Variants in PI4KA observed in about 807,000 individuals in gnomAD.
PI4KA encodes the protein phosphatidylinositol 4-kinase alpha.
A neutral mutation model predicts 271.4 loss-of-function variants in PI4KA; 122 were observed. The observed-to-expected ratio is 0.45, with a 90% CI of 0.39 to 0.52. The LOEUF (loss-of-function observed/expected upper bound fraction) is 0.52, where lower values mean the gene tolerates loss of function less well. Ranked by LOEUF, PI4KA falls within the 20% of genes least tolerant of loss-of-function variation. The probability of loss-of-function intolerance (pLI) is 0.00; values close to 1 mark genes in which losing one functional copy is unlikely to be tolerated. For missense variants in PI4KA, 1,969 were observed against 2,769.1 expected, an observed-to-expected ratio of 0.71 and a Z score of 6.48; for synonymous variants, 1,041 against 1,078.8, an observed-to-expected ratio of 0.96 and a Z score of 0.69.
At chr22:20,808,536 G>T (rs1195815955) in intron 9 of PI4KA, among the ~76,000 whole-genome samples, 1 of 147,608 alleles carries the variant, frequency 6.8e-6, no homozygotes, top group African/African-American at 2.5e-5. Flanking sequence ...CTTGCAGTGA[G>T]CCAAGATCAC....
At chr22:20,832,745 G>A (rs941533085) in intron 3 of PI4KA, among the ~76,000 whole-genome samples, 1 of 152,184 alleles carries the variant, frequency 6.6e-6, no homozygotes, top group South Asian at 2.1e-4. Context: ...GTGAGCCACT[G>A]TGCCCGGCCG....
chr22:20,740,265 TAAAA>T (rs559654473), intron 32 of PI4KA, among the ~76,000 whole-genome samples: 1 of 147,642 alleles, frequency 6.8e-6, no homozygotes, highest in Non-Finnish European at 1.5e-5. Context: ...GTATACAGGT[TAAAA>T]AAAAAATTAA....
Position 20,727,819 on chromosome 22 carries a change from A to T in PI4KA, c.4728T>A (p.Val1576=). ...CACTAACGGCTCCCGGGTCCAACCG[A>T]ACGAGACGGGTCACTTCGTTCCCAA... is the stretch of plus-strand genomic sequence containing the variant. The part of the protein sequence containing the change: ...EAIGNEVTRL[V]RLDPGAVSDV... Residue 1576 remains valine, a synonymous_variant, in exon 40 of 55, where the codon GTT becomes GTA. Transcript: ENST00000255882. 1 of 1,614,170 alleles carries T rather than the reference A, an allele frequency of 6.2e-7. No homozygotes were observed. Among genetic ancestry groups the T allele is most frequent in the Non-Finnish European group, 8.5e-7 (1 of 1,180,024 alleles).
intron 1 of PI4KA, among the ~76,000 whole-genome samples, chr22:20,848,891 G>C (rs942278808): frequency 1.3e-5 from 2 of 151,940 alleles, no homozygotes; most frequent in Admixed American, 6.6e-5. Flanking sequence ...CATGAAGAAA[G>C]TGAAAAAGCC....
rs556698200 is a variant in PI4KA at position 20,805,154 on chromosome 22, A to G, written c.1180T>C (p.Ser394Pro). 1.9e-6 allele frequency: 3 copies of G among 1,613,396 alleles called. No individual in the cohort carries two copies. The change falls in exon 11 of 55, where the codon TCT becomes CCT. Residue 394 changes from serine (S) to proline (P), a missense_variant. Physicochemically the swap from Ser to Pro is moderately conservative, Grantham distance 74. Around this residue, in one of 13 missense-constraint regions of PI4KA, gnomAD observed 540 missense variants for 555.5 expected, o/e 0.97. Transcript: ENST00000255882. ...AAATCATGGATCTCCTTCACAAAAG[A>G]GGTCGGGAGGTCTGTAGGAAAGAGT... is the stretch of plus-strand genomic sequence containing the variant. ...TLYYMKDLPT[S>P]FVKEIHDFVL...
At chr22:20,829,778 G>A (rs971901871) in intron 3 of PI4KA, among the ~76,000 whole-genome samples, 3 of 151,966 alleles carry the variant, frequency 2.0e-5, no homozygotes, top group African/African-American at 2.4e-5. Context: ...ACTTTTCAAC[G>A]TCAGCATTCA....
At chr22:20,829,582 C>CTT (rs34438790) in intron 3 of PI4KA, among the ~76,000 whole-genome samples, 146 of 146,402 alleles carry the variant, frequency 1.0e-3, no homozygotes, top group South Asian at 3.0e-3. Flanking sequence ...AGCTAGTGAT[C>CTT]TTTTTTTTTT....
chr22:20,793,084 G>A (rs1392854063), intron 19 of PI4KA, 109 bp downstream of exon 19: 1 of 735,822 alleles, frequency 1.4e-6, no homozygotes, highest in East Asian at 2.6e-5. Context: ...AGAGGCATAG[G>A]GGCCTCAACA....
At chr22:20,756,615 A>G (rs1037257355) in intron 23 of PI4KA, among the ~76,000 whole-genome samples, 2 of 151,386 alleles carry the variant, frequency 1.3e-5, no homozygotes, top group African/African-American at 4.9e-5. Flanking sequence ...GTCATGTAGT[A>G]GCATCTAAGG....
chr22:20,721,564 T>G lies in PI4KA; in HGVS notation c.4996-146A>C, dbSNP rs1360210200. On this transcript the variant is annotated intron_variant, in intron 42 of 54. Coordinates refer to ENST00000255882, the MANE Select transcript of PI4KA (RefSeq NM_058004.4). ...GTGGTGTGGACAAGCTCTCCAGGAT[T>G]GATGTTGAGTCCAGCCAGTGGCCAG... 3.6e-5 allele frequency: 28 copies of G among 774,738 alleles called. No homozygotes were observed. In the South Asian group the frequency reaches 4.5e-4, roughly 13 times the overall value. The allele number at this position is 774,738 out of a possible 1,614,324, so 48.0% of individuals were successfully genotyped here.
At chr22:20,719,920 GGAGGCT>G (rs1409062350) in intron 43 of PI4KA, among the ~76,000 whole-genome samples, 2 of 151,672 alleles carry the variant, frequency 1.3e-5, no homozygotes, top group African/African-American at 4.8e-5. Flanking sequence ...CAGCTACTCG[GGAGGCT>G]GAGGCAGGAG....
intron 1 of PI4KA, among the ~76,000 whole-genome samples, chr22:20,844,641 T>G (rs1926024808): frequency 6.6e-6 from 1 of 152,198 alleles, no homozygotes; most frequent in Non-Finnish European, 1.5e-5. Flanking sequence ...TAGAAAGACA[T>G]CTGAAAACTT....
intron 45 of PI4KA, among the ~76,000 whole-genome samples, chr22:20,715,514 G>T (rs1286677992): frequency 1.3e-5 from 2 of 149,322 alleles, no homozygotes; most frequent in African/African-American, 2.5e-5. Flanking sequence ...CTACTCTGTC[G>T]CCCAGGCTGG....
chr22:20,751,361 G>A lies in PI4KA; in HGVS notation c.3085C>T (p.Gln1029Ter), dbSNP rs756569540. Residue 1029 changes from glutamine (Q) to a stop codon, truncating the protein, a stop_gained, in exon 27 of 55, where the codon CAG becomes TAG. Transcript: ENST00000255882. LOFTEE classifies it high-confidence loss of function. The part of the protein sequence containing the change: ...LSLSADIHKD[Q>*]PYYDIPDAPY... ...GCGTCGGGGATGTCATAGTAAGGCT[G>A]ATCCTTGTGAATATCCTGCAAGCAC... 4.3e-6 allele frequency: 7 copies of A among 1,613,724 alleles called. No homozygotes were observed. Among genetic ancestry groups the A allele is most frequent in the Non-Finnish European group, 5.9e-6 (7 of 1,179,888 alleles).
At chr22:20,852,267 C>T (rs1184689009) in intron 1 of PI4KA, among the ~76,000 whole-genome samples, 58 of 152,214 alleles carry the variant, frequency 3.8e-4, no homozygotes, top group Admixed American at 3.8e-3. Flanking sequence ...ACTGCAAACA[C>T]AGACAGCAGA....
At chr22:20,745,296 A>G (rs1420420455) in intron 29 of PI4KA, among the ~76,000 whole-genome samples, 2 of 152,136 alleles carry the variant, frequency 1.3e-5, no homozygotes, top group Non-Finnish European at 2.9e-5. Flanking sequence ...TCCCAGCCCC[A>G]GGGCCTCAGT....
chr22:20,806,671 GA>G (rs1274955723), intron 10 of PI4KA, among the ~76,000 whole-genome samples: 12 of 149,116 alleles, frequency 8.0e-5, no homozygotes, highest in Non-Finnish European at 1.6e-4. Flanking sequence ...GACTCTGTCT[GA>G]AAAAAAAAGC....
At chr22:20,799,460 T>C (rs1034780582) in intron 15 of PI4KA, among the ~76,000 whole-genome samples, 184 bp from the exon 16 acceptor site, 1 of 147,980 alleles carries the variant, frequency 6.8e-6, no homozygotes, top group Non-Finnish European at 1.5e-5. Flanking sequence ...CTAGTCTGGA[T>C]GACAAAGATC....
chr22:20,801,208 C>T (rs896863404), intron 14 of PI4KA, among the ~76,000 whole-genome samples: 3 of 151,506 alleles, frequency 2.0e-5, no homozygotes, highest in African/African-American at 7.3e-5. Flanking sequence ...TGTTTATGAT[C>T]AGGAAAAGAA....
Sources: allele counts gnomAD v4.1 joint callset (sites outside exome capture counted in the v4.1 genomes callset), GRCh38; gene constraint gnomAD v4.1.1; regional missense constraint gnomAD v4.1.1; transcripts MANE v1.5; gene names NCBI Gene and HGNC (gene_info 2026-07-23, HGNC 2026-07-21).